PDGFB: variants seen among roughly 807,000 people sequenced by gnomAD.
PDGFB encodes the protein platelet-derived growth factor subunit B.
PDGFB carries 6 observed loss-of-function variants against 29.0 expected under a neutral mutation model. The ratio of observed to expected loss-of-function variants is 0.21; its 90% CI spans 0.11 to 0.41. PDGFB has a LOEUF of 0.41. Ranked by LOEUF, PDGFB falls within the 10% of genes least tolerant of loss-of-function variation. The pLI is 1.00. For synonymous variants in PDGFB, 144 were observed against 140.8 expected, an observed-to-expected ratio of 1.02 and a Z score of -0.16; for missense variants, 299 against 341.8, an observed-to-expected ratio of 0.87 and a Z score of 0.99.
intron 1 of PDGFB, among the ~76,000 whole-genome samples, chr22:39,240,394 A>G (rs924650242): frequency 6.6e-6 from 1 of 151,872 alleles, no homozygotes; most frequent in Non-Finnish European, 1.5e-5. Flanking sequence ...CTAAAGATAC[A>G]CAGAACCTTT....
intron 5 of PDGFB, among the ~76,000 whole-genome samples, chr22:39,228,832 T>C (rs2146434285): frequency 6.7e-6 from 1 of 150,018 alleles, no homozygotes; most frequent in African/African-American, 2.4e-5. Flanking sequence ...GAGGTTGCAG[T>C]GAGCCAAGAT....
chr22:39,231,518 C>T lies in PDGFB; in HGVS notation c.456+104G>A, dbSNP rs1932301478. The T allele has an allele frequency of 4.7e-6, 4 of 846,582 alleles. No individual in the cohort carries two copies. In the African/African-American group the frequency reaches 5.1e-5, roughly 11 times the overall value. The allele number at this position is 846,582 out of a possible 1,614,324, so 52.4% of individuals were successfully genotyped here. On this transcript the variant is annotated intron_variant, in intron 4 of 6. Coordinates refer to ENST00000331163, the MANE Select transcript of PDGFB (RefSeq NM_002608.4). This position sits in a 1 kb window ranked among gnomAD's most constrained non-coding sequence, Gnocchi z 4.3. ...AACAAATCAGGAATGTCCTTCGACA[C>T]ACCACTCTGCCCAGTCAAGGAAGCC... is the stretch of plus-strand genomic sequence containing the variant.
intron 2 of PDGFB, among the ~76,000 whole-genome samples, chr22:39,235,538 C>T (rs947657792): frequency 6.6e-6 from 1 of 152,236 alleles, no homozygotes; most frequent in Non-Finnish European, 1.5e-5. Flanking sequence ...TGGCACCCCA[C>T]CCTTGGCACC....
rs966912371 is a variant in PDGFB at position 39,244,024 on chromosome 22, C to A, written c.-61G>T. ...GCGTAGATCGAGCGCGCCGCCCCCG[C>A]GGCCAGGGTGGGGGGCTGGGGAGGG... is the stretch of plus-strand genomic sequence containing the variant. On this transcript the variant is annotated 5_prime_UTR_variant, in exon 1 of 7. Coordinates refer to ENST00000331163, the MANE Select transcript of PDGFB (RefSeq NM_002608.4). The surrounding 1 kb of genome is among the most constrained non-coding windows in gnomAD (Gnocchi z 4.5). The A allele has an allele frequency of 5.6e-6, 3 of 531,240 alleles. No homozygotes were observed. Among genetic ancestry groups the A allele is most frequent in the Non-Finnish European group, 6.1e-6 (2 of 328,104 alleles). 32.9% of individuals were successfully genotyped at this position (531,240 alleles called of 1,614,324 possible).
At chr22:39,235,747 G>C (rs1307815511) in intron 2 of PDGFB, 31 bp downstream of exon 2, 44 of 1,506,636 alleles carry the variant, frequency 2.9e-5, no homozygotes, top group Non-Finnish European at 4.0e-5. Flanking sequence ...CTCCTCGGAG[G>C]GCCGGAGCGC....
rs1488704455 is a variant in PDGFB, at chr22:39,244,163, G to T, written c.-200C>A. On this transcript the variant is annotated 5_prime_UTR_variant, in exon 1 of 7. Transcript: ENST00000331163. The surrounding 1 kb of genome is among the most constrained non-coding windows in gnomAD (Gnocchi z 4.5). ...CCGGCCCCGGCTCCGTCGCTGGGGG[G>T]CAGGGGAGGACCTGGGCGCAGGACC... The T allele has an allele frequency of 1.0e-5, 3 of 292,546 alleles. No homozygotes were observed. The highest frequency in any genetic ancestry group is 1.9e-5 in the Non-Finnish European group (3 of 158,246). The allele number at this position is 292,546 out of a possible 1,614,324, so 18.1% of individuals were successfully genotyped here.
At chr22:39,234,610 C>T (rs1026164601) in intron 2 of PDGFB, among the ~76,000 whole-genome samples, 13 of 152,262 alleles carry the variant, frequency 8.5e-5, no homozygotes, top group African/African-American at 3.1e-4. Flanking sequence ...AGCCTGACAG[C>T]CCCTACGTCA....
chr22:39,232,446 C>T lies in PDGFB; in HGVS notation c.251-619G>A, dbSNP rs146968709. ...AGGAGGCTCTGAGAGCTGAATATCC[C>T]GTCCGCCCACATTCATAGATTGGGG... is the stretch of plus-strand genomic sequence containing the variant. On this transcript the variant is annotated intron_variant, in intron 3 of 6. Coordinates refer to ENST00000331163, the MANE Select transcript of PDGFB (RefSeq NM_002608.4). Among the ~76,000 whole-genome samples, 12 of 152,328 alleles carry T rather than the reference C, an allele frequency of 7.9e-5. No individual in the cohort carries two copies. The East Asian group carries it at 9.6e-4, about 12-fold the overall frequency.
At chr22:39,240,393 C>T (rs1286265428) in intron 1 of PDGFB, among the ~76,000 whole-genome samples, 1 of 152,086 alleles carries the variant, frequency 6.6e-6, no homozygotes, top group Non-Finnish European at 1.5e-5. Flanking sequence ...GCTAAAGATA[C>T]ACAGAACCTT....
At position 39,236,932 on chromosome 22, in the gene PDGFB, A is replaced by G. The variant is rs538948440; in HGVS notation, c.64-1058T>C. ...AGACAGTCCTGGAGAGGGCATCAAT[A>G]GGCTTGGCACATTACTATAGAACCT... On this transcript the variant is annotated intron_variant, in intron 1 of 6. Transcript: ENST00000331163. Among the ~76,000 whole-genome samples, 7 of 152,284 alleles carry G rather than the reference A, an allele frequency of 4.6e-5. No homozygotes were observed. The South Asian group carries it at 1.5e-3, about 32-fold the overall frequency.
rs377338151 is a variant in PDGFB, at chr22:39,243,922, G to A, written c.42C>T (p.Tyr14=). Residue 14 remains tyrosine (Y), a synonymous_variant, in exon 1 of 7, where the codon TAC becomes TAT. Transcript: ENST00000331163. This position sits in a 1 kb window ranked among gnomAD's most constrained non-coding sequence, Gnocchi z 6.4. The stretch of plus-strand genomic sequence containing the variant: ...TCACCTCGGCGCTGACCAGACGCAG[G>A]TAGCAGCAGAGAGACAGGAAGAGCG... ...CWALFLSLCC[Y]LRLVSAEGDP... 5 of 1,607,458 alleles carry A rather than the reference G, an allele frequency of 3.1e-6. No individual in the cohort carries two copies. The highest frequency in any genetic ancestry group is 4.2e-6 in the Non-Finnish European group (5 of 1,177,292).
chr22:39,240,706 G>A (rs905370211), intron 1 of PDGFB: 10 of 876,938 alleles, frequency 1.1e-5, no homozygotes, highest in African/African-American at 8.3e-5. Context: ...TAAAAGTGGG[G>A]ACCAGGAGGA....
chr22:39,227,732 C>A (rs1036512034), intron 5 of PDGFB, among the ~76,000 whole-genome samples: 1 of 152,192 alleles, frequency 6.6e-6, no homozygotes, highest in Non-Finnish European at 1.5e-5. Flanking sequence ...CAGGTGGCCA[C>A]CCTGGCAGGG....
At chr22:39,237,346 T>C (rs1932469631) in intron 1 of PDGFB, among the ~76,000 whole-genome samples, 1 of 152,114 alleles carries the variant, frequency 6.6e-6, no homozygotes, top group Non-Finnish European at 1.5e-5. Flanking sequence ...CTGAAACCCC[T>C]GAGTCTCCAT....
chr22:39,235,893 A>T lies in PDGFB; in HGVS notation c.64-19T>A. The T allele has an allele frequency of 6.4e-7, 1 of 1,563,146 alleles. No individual in the cohort carries two copies. ...GGTCCCCCTGCCGGGCAGACACCAA[A>T]AGGCTGAGTGAGCTGGGAGTGGGGG... On this transcript the variant is annotated intron_variant, in intron 1 of 6. Transcript: ENST00000331163.
Position 39,231,849 on chromosome 22 carries a change from G to T in PDGFB, c.251-22C>A, listed in dbSNP as rs370858568. Reference sequence around the variant, plus strand: ...GAACCTGGGAGGAGACGAAACCTGGGTCAGGAGCGTAGGCCTGTCCAGAGT... The same window carrying T: ...GAACCTGGGAGGAGACGAAACCTGGTTCAGGAGCGTAGGCCTGTCCAGAGT... On this transcript the variant is annotated intron_variant, in intron 3 of 6. Transcript: ENST00000331163. This position sits in a 1 kb window ranked among gnomAD's most constrained non-coding sequence, Gnocchi z 4.3. 2 of 1,603,626 alleles carry T rather than the reference G, an allele frequency of 1.2e-6. No individual in the cohort carries two copies. The highest frequency in any genetic ancestry group is 1.1e-5 in the South Asian group (1 of 90,190).
intron 3 of PDGFB, among the ~76,000 whole-genome samples, chr22:39,232,926 C>T (rs530301574): frequency 2.6e-5 from 4 of 152,304 alleles, no homozygotes; most frequent in South Asian, 2.1e-4. Context: ...TAATGATCTA[C>T]GGTCTCCTTT....
chr22:39,227,557 T>G (rs1932197831), intron 5 of PDGFB, among the ~76,000 whole-genome samples: 1 of 151,258 alleles, frequency 6.6e-6, no homozygotes, highest in African/African-American at 2.5e-5. Context: ...CGGCAGATGC[T>G]GTTACCCACA....
chr22:39,228,885 T>TC (rs1932229331), intron 5 of PDGFB, among the ~76,000 whole-genome samples: 1 of 75,910 alleles, frequency 1.3e-5, no homozygotes, highest in South Asian at 3.6e-4. Flanking sequence ...TGAGACTGCC[T>TC]CAAAAAAAAT....
Sources: gnomAD v4.1 joint callset for allele counts (sites outside exome capture counted in the v4.1 genomes callset) on GRCh38, gnomAD v4.1.1 for gene constraint, Gnocchi (gnomAD v3.1) non-coding constraint, MANE v1.5 for transcripts, NCBI Gene and HGNC (gene_info 2026-07-23, HGNC 2026-07-21) for gene names.